SLCO1B1: variants seen among roughly 807,000 people sequenced by gnomAD.
The protein encoded by SLCO1B1 is OATP-2.
SLCO1B1 carries 81 observed loss-of-function variants against 70.1 expected under a neutral mutation model. The ratio of observed to expected loss-of-function variants is 1.16; its 90% CI spans 0.97 to 1.39. The LOEUF (loss-of-function observed/expected upper bound fraction) is 1.39. SLCO1B1 is among the 40% of genes most tolerant of loss of function. The pLI is 0.00. For missense variants in SLCO1B1, 895 were observed against 799.6 expected (o/e 1.12, Z -1.44); for synonymous variants, 283 against 271.5 (o/e 1.04, Z -0.42).
intron 1 of SLCO1B1, among the ~76,000 whole-genome samples, chr12:21,131,906 A>G (rs1216107107): frequency 1.3e-5 from 2 of 152,136 alleles, no homozygotes; most frequent in African/African-American, 4.8e-5. Context: ...TTACATATGT[A>G]TACATGTGCC....
At chr12:21,183,373 T>A (rs1390356744) in intron 7 of SLCO1B1, among the ~76,000 whole-genome samples, 1 of 152,056 alleles carries the variant, frequency 6.6e-6, no homozygotes, top group Non-Finnish European at 1.5e-5. Flanking sequence ...TATGTGTTAT[T>A]TTCTGTAAAG....
At chr12:21,140,855 A>G (rs761646291) in intron 1 of SLCO1B1, among the ~76,000 whole-genome samples, 54 of 152,056 alleles carry the variant, frequency 3.6e-4, no homozygotes, top group Non-Finnish European at 3.1e-4. Context: ...TTTAATTTGC[A>G]TTTTCAACTA....
intron 14 of SLCO1B1, among the ~76,000 whole-genome samples, chr12:21,238,729 G>T (rs890632889): frequency 2.0e-5 from 3 of 151,978 alleles, no homozygotes. Flanking sequence ...AACAGGGCTT[G>T]AGTTGTATAT....
rs1018961652 is a variant in SLCO1B1 at position 21,239,584 on chromosome 12, T to A, written c.*395T>A. On this transcript the variant is annotated 3_prime_UTR_variant, in exon 15 of 15. Transcript: ENST00000256958. The stretch of plus-strand genomic sequence containing the variant: ...CCTAAGTAAAGAGAAATGCCTAGTG[T>A]CTATTTTATTAAACAAACAAACACA... Among the ~76,000 whole-genome samples the A allele has an allele frequency of 2.6e-5, 4 of 152,184 alleles. No individual in the cohort carries two copies. Among genetic ancestry groups the A allele is most frequent in the Non-Finnish European group, 4.4e-5 (3 of 68,016 alleles).
Position 21,210,381 on chromosome 12 carries a change from A to G in SLCO1B1, c.1497+4348A>G, listed in dbSNP as rs868537216. On this transcript the variant is annotated intron_variant, in intron 11 of 14. Coordinates refer to ENST00000256958, the MANE Select transcript of SLCO1B1 (RefSeq NM_006446.5). ...GATCAGATAGTTGTAGATATGCGGC[A>G]TTATTTCTGAGGGCTCTGTTCTGTT... is the stretch of plus-strand genomic sequence containing the variant. 3.2e-3 allele frequency among the ~76,000 whole-genome samples: 380 copies of G among 117,866 alleles called. 1 individual carries two copies. The highest frequency in any genetic ancestry group is 0.012 in the African/African-American group (330 of 28,526). 77.3% of individuals were successfully genotyped at this position (117,866 alleles called of 152,430 possible).
intron 8 of SLCO1B1, among the ~76,000 whole-genome samples, chr12:21,198,659 T>C (rs940808390): frequency 3.3e-5 from 5 of 152,120 alleles, no homozygotes; most frequent in African/African-American, 9.7e-5. Context: ...AGAAAAAATA[T>C]TGAATTTATT....
chr12:21,190,215 C>T (rs1274147344), intron 7 of SLCO1B1, among the ~76,000 whole-genome samples: 1 of 152,144 alleles, frequency 6.6e-6, no homozygotes, highest in Non-Finnish European at 1.5e-5. Flanking sequence ...AGAAACTGAC[C>T]TTTGACCATC....
intron 11 of SLCO1B1, among the ~76,000 whole-genome samples, chr12:21,206,848 A>T (rs570305365): frequency 6.6e-6 from 1 of 151,944 alleles, no homozygotes; most frequent in Non-Finnish European, 1.5e-5. Context: ...ACAGTCAACT[A>T]TAATTATTGC....
intron 14 of SLCO1B1, among the ~76,000 whole-genome samples, chr12:21,229,254 G>GAGTCCAC (rs11282766): frequency 0.35 from 52,880 of 151,416 alleles, 9,471 homozygotes; most frequent in East Asian, 0.45. Flanking sequence ...TTATCTCCCA[G>GAGTCCAC]AGTCCACAGT....
intron 12 of SLCO1B1, among the ~76,000 whole-genome samples, chr12:21,218,579 G>T (rs1224099945): frequency 6.6e-6 from 1 of 151,642 alleles, no homozygotes; most frequent in Non-Finnish European, 1.5e-5. Flanking sequence ...TACTAAATAT[G>T]CCACAGATAT....
chr12:21,140,768 A>C (rs1454854528), intron 1 of SLCO1B1, among the ~76,000 whole-genome samples: 1 of 152,040 alleles, frequency 6.6e-6, no homozygotes, highest in East Asian at 1.9e-4. Flanking sequence ...GGAAAATATT[A>C]TGTACTTAAT....
intron 2 of SLCO1B1, among the ~76,000 whole-genome samples, chr12:21,159,685 T>C (rs1940588547): frequency 2.0e-5 from 3 of 152,060 alleles, no homozygotes; most frequent in Admixed American, 1.3e-4. Flanking sequence ...GGTCAAAAAG[T>C]AAGTCAAACT....
At chr12:21,183,380 A>G (rs1451957929) in intron 7 of SLCO1B1, among the ~76,000 whole-genome samples, 1 of 151,992 alleles carries the variant, frequency 6.6e-6, no homozygotes, top group African/African-American at 2.4e-5. Flanking sequence ...TATTTTCTGT[A>G]AAGACAGGGT....
At chr12:21,139,870 G>A (rs1333823911) in intron 1 of SLCO1B1, among the ~76,000 whole-genome samples, 4 of 152,046 alleles carry the variant, frequency 2.6e-5, no homozygotes, top group African/African-American at 9.7e-5. Flanking sequence ...GTGTTTCTGA[G>A]TTGAATGTTT....
At chr12:21,136,317 G>A (rs1195397233) in intron 1 of SLCO1B1, among the ~76,000 whole-genome samples, 1 of 152,044 alleles carries the variant, frequency 6.6e-6, no homozygotes, top group Non-Finnish European at 1.5e-5. Flanking sequence ...TCTTGGAGTT[G>A]CTCTTCTCGA....
At chr12:21,209,223 A>C (rs1276932607) in intron 11 of SLCO1B1, among the ~76,000 whole-genome samples, 4 of 148,384 alleles carry the variant, frequency 2.7e-5, no homozygotes, top group African/African-American at 7.6e-5. Context: ...CCCACCCCAC[A>C]ACAGTCCCCA....
intron 2 of SLCO1B1, among the ~76,000 whole-genome samples, chr12:21,153,402 G>A (rs180772155): frequency 2.2e-4 from 33 of 151,984 alleles, no homozygotes; most frequent in Admixed American, 8.5e-4. Flanking sequence ...GAGATTTTTC[G>A]TAATAAATTT....
chr12:21,232,662 A>T (rs1196889609), intron 14 of SLCO1B1, among the ~76,000 whole-genome samples: 2 of 151,984 alleles, frequency 1.3e-5, no homozygotes, highest in Non-Finnish European at 2.9e-5. Context: ...TCAAAAATTC[A>T]TTTTTCTATT....
intron 2 of SLCO1B1, among the ~76,000 whole-genome samples, chr12:21,159,275 A>T (rs1251823848): frequency 6.6e-6 from 1 of 152,142 alleles, no homozygotes; most frequent in African/African-American, 2.4e-5. Flanking sequence ...TAGATATAAG[A>T]AAAAGAGCTG....
Sources: allele counts gnomAD v4.1 joint callset (sites outside exome capture counted in the v4.1 genomes callset), GRCh38; gene constraint gnomAD v4.1.1; transcripts MANE v1.5; gene names NCBI Gene and HGNC (gene_info 2026-07-23, HGNC 2026-07-21).